The following TEF variants were observed in gnomAD, a reference collection of about 807,000 sequenced individuals.
TEF encodes TEF transcription factor, PAR bZIP family member.
TEF carries 3 observed loss-of-function variants against 20.8 expected under a neutral mutation model. The observed-to-expected ratio is 0.14, with a 90% CI of 0.07 to 0.37. The LOEUF is 0.37. TEF is among the 10% of genes least tolerant of loss of function. The pLI, the probability that TEF is intolerant of heterozygous loss-of-function variation, is 1.00. For synonymous variants in TEF, 180 were observed against 171.1 expected, an observed-to-expected ratio of 1.05 and a Z score of -0.41; for missense variants, 296 against 397.9, an observed-to-expected ratio of 0.74 and a Z score of 2.18.
chr22:41,386,923 A>G (rs1271912904), intron 1 of TEF, among the ~76,000 whole-genome samples: 1 of 152,022 alleles, frequency 6.6e-6, no homozygotes, highest in Non-Finnish European at 1.5e-5. Context: ...GCGTACCTGT[A>G]ATCCCAGCTA....
At chr22:41,388,050 T>C (rs1044050350) in intron 2 of TEF, among the ~76,000 whole-genome samples, 47 of 126,612 alleles carry the variant, frequency 3.7e-4, no homozygotes, top group Non-Finnish European at 2.7e-4. Context: ...CAGGCTGGAG[T>C]GCAGTGGAGC....
At chr22:41,381,921 GGGGCGCCATT>G (rs1463513611), upstream of TEF, 10 of 1,226,318 alleles carry the variant, frequency 8.2e-6, no homozygotes, top group Middle Eastern at 2.2e-3. Flanking sequence ...GAAGGAGGCG[GGGGCGCCATT>G]GGGCGCCTGC....
Position 41,382,023 on chromosome 22 carries a change from C to G in TEF, c.-22C>G. 2.4e-6 allele frequency: 3 copies of G among 1,229,278 alleles called. No homozygotes were observed. The highest frequency in any genetic ancestry group is 1.6e-5 in the African/African-American group (1 of 64,132). The allele number at this position is 1,229,278 out of a possible 1,614,324, so 76.1% of individuals were successfully genotyped here. ...GGGGGCGGGCGGGGGAGGCGAGGTG[C>G]GCGAGCCGAGTCCGGGGCACGATGT... On this transcript the variant is annotated 5_prime_UTR_variant, in exon 1 of 4. Coordinates refer to ENST00000266304, the MANE Select transcript of TEF (RefSeq NM_003216.4).
intron 1 of TEF, among the ~76,000 whole-genome samples, chr22:41,370,726 A>C (rs2036874481): frequency 6.6e-6 from 1 of 152,094 alleles, no homozygotes; most frequent in African/African-American, 2.4e-5. Flanking sequence ...TCCGTTTTCT[A>C]GTTCATTGAT....
chr22:41,382,745 C>T (rs1372232451), intron 1 of TEF, among the ~76,000 whole-genome samples: 1 of 150,714 alleles, frequency 6.6e-6, no homozygotes, highest in Non-Finnish European at 1.5e-5. Context: ...CTAGGTCCAA[C>T]GGGAGCCTTT....
intron 2 of TEF, among the ~76,000 whole-genome samples, chr22:41,387,956 C>T (rs1017484108): frequency 6.8e-6 from 1 of 146,718 alleles, no homozygotes; most frequent in African/African-American, 2.5e-5. Context: ...GGATAGAAAT[C>T]CCATTCTGCA....
rs2037224850 is a variant in TEF at position 41,396,092 on chromosome 22, G to A, written c.*132G>A. 1.1e-5 allele frequency: 11 copies of A among 985,898 alleles called. No homozygotes were observed. Among genetic ancestry groups the A allele is most frequent in the African/African-American group, 8.2e-5 (5 of 61,020 alleles). 61.1% of individuals were successfully genotyped at this position (985,898 alleles called of 1,614,324 possible). Reference sequence around the variant, plus strand: ...ATGGCGGCGCACCTGCTGCAGGAGCGGCCACGTCTCAGCTTCATTATACCA... The same window carrying A: ...ATGGCGGCGCACCTGCTGCAGGAGCAGCCACGTCTCAGCTTCATTATACCA... On this transcript the variant is annotated 3_prime_UTR_variant, in exon 4 of 4. Coordinates refer to ENST00000266304, the MANE Select transcript of TEF (RefSeq NM_003216.4).
chr22:41,380,512 A>C (rs553780240), upstream of TEF, among the ~76,000 whole-genome samples: 138 of 152,212 alleles, frequency 9.1e-4, no homozygotes, highest in Non-Finnish European at 1.6e-3. Context: ...GGGTGTCTGG[A>C]TCATGCATCT....
At position 41,397,015 on chromosome 22, in the gene TEF, G is replaced by GC. The variant is rs2037237516; in HGVS notation, c.*1056dup. 1 of 398,770 alleles carries GC rather than the reference G, an allele frequency of 2.5e-6. No individual in the cohort carries two copies. The highest frequency in any genetic ancestry group is 2.1e-5 in the African/African-American group (1 of 48,594). 24.7% of individuals were successfully genotyped at this position (398,770 alleles called of 1,614,324 possible). A position where few individuals can be genotyped will look rare whatever the true frequency, so the allele number is the denominator to read the frequency against. ...TGCTCTGCTCACCGGTGTGGCCTGGGCTGGAGTGCACTCTCCCTGGGGGCA... is the reference window on the plus strand; with the variant it reads ...TGCTCTGCTCACCGGTGTGGCCTGGGCCTGGAGTGCACTCTCCCTGGGGGCA... On this transcript the variant is annotated 3_prime_UTR_variant, in exon 4 of 4. Transcript: ENST00000266304.
rs1569251352 is a variant in TEF at position 41,373,924 on chromosome 22, C to T, written c.67+6325C>T. ...GACTACAGGCGCATGCTACCACACC[C>T]GGCTAATTTTTGTATTTTTAGTACA... On this transcript the variant is annotated intron_variant, in intron 1 of 3. Transcript: ENST00000406644. Among the ~76,000 whole-genome samples, 3 of 151,844 alleles carry T rather than the reference C, an allele frequency of 2.0e-5. No homozygotes were observed. The South Asian group carries it at 6.2e-4, about 32-fold the overall frequency.
At chr22:41,376,312 C>T (rs1027091583) in intron 1 of TEF, among the ~76,000 whole-genome samples, 2 of 152,230 alleles carry the variant, frequency 1.3e-5, no homozygotes, top group Non-Finnish European at 2.9e-5. Flanking sequence ...TCTCGGCTCA[C>T]CGCAACTTCC....
chr22:41,380,629 C>T (rs2037005363), upstream of TEF, among the ~76,000 whole-genome samples: 1 of 152,212 alleles, frequency 6.6e-6, no homozygotes, highest in Non-Finnish European at 1.5e-5. Flanking sequence ...TCTCTGCCTT[C>T]CGGGAGTTAA....
upstream of TEF, among the ~76,000 whole-genome samples, chr22:41,377,958 C>T (rs2036964338): frequency 1.3e-5 from 2 of 152,272 alleles, no homozygotes; most frequent in Admixed American, 6.5e-5. Context: ...TAAATCTTTA[C>T]TTCCTCTTAC....
intron 2 of TEF, among the ~76,000 whole-genome samples, chr22:41,391,717 G>T (rs1446365965): frequency 6.6e-6 from 1 of 151,928 alleles, no homozygotes; most frequent in Non-Finnish European, 1.5e-5. Flanking sequence ...CTGCCTACTG[G>T]GTTTAAGCAA....
upstream of TEF, among the ~76,000 whole-genome samples, chr22:41,380,688 T>A (rs2037006257): frequency 6.6e-6 from 1 of 152,202 alleles, no homozygotes; most frequent in South Asian, 2.1e-4. Context: ...TGATCTGTAC[T>A]ATAAAGAGGT....
In TEF at chr22:41,397,470, C is replaced by G. The variant is rs541816291; in HGVS notation, c.*1510C>G. On this transcript the variant is annotated 3_prime_UTR_variant, in exon 4 of 4. Transcript: ENST00000266304. ...GAGGCGATGGGCGTGCTTCGTCCTCCGTAACACTGGCTTTATTTACCGTGG... is the reference window on the plus strand; with the variant it reads ...GAGGCGATGGGCGTGCTTCGTCCTCGGTAACACTGGCTTTATTTACCGTGG... The G allele has an allele frequency of 5.4e-6, 1 of 185,082 alleles. No individual in the cohort carries two copies. Among genetic ancestry groups the G allele is most frequent in the African/African-American group, 2.3e-5 (1 of 42,870 alleles). 11.5% of individuals were successfully genotyped at this position (185,082 alleles called of 1,614,324 possible).
In TEF at chr22:41,387,983, C is replaced by CTTTTTTTTTTTTTT. The variant is rs530707936; in HGVS notation, c.475+334_475+347dup. 1.4e-4 allele frequency among the ~76,000 whole-genome samples: 7 copies of CTTTTTTTTTTTTTT among 50,078 alleles called. 1 individual carries two copies. The highest frequency in any genetic ancestry group is 1.7e-4 in the Non-Finnish European group (5 of 28,964). The allele number at this position is 50,078 out of a possible 152,430, so 32.9% of individuals were successfully genotyped here. On this transcript the variant is annotated intron_variant, in intron 2 of 3. Coordinates refer to ENST00000266304, the MANE Select transcript of TEF (RefSeq NM_003216.4). ...CATTCTGCATTTCCTCAATGCTGCT[C>CTTTTTTTTTTTTTT]TTTTTTTTTTTTTTTTTTTTTTTTT...
chr22:41,367,702 A>T lies in TEF; in HGVS notation c.67+103A>T. 2.4e-6 allele frequency: 3 copies of T among 1,228,250 alleles called. No homozygotes were observed. The Admixed American group carries it at 6.4e-5, about 26-fold the overall frequency. The allele number at this position is 1,228,250 out of a possible 1,614,324, so 76.1% of individuals were successfully genotyped here. ...CAGGACAGGCATCTCCAAGCCAGGG[A>T]GGGTCTCAGCAGTGGTGCGCCCTTG... On this transcript the variant is annotated intron_variant, in intron 1 of 3. Coordinates refer to the TEF transcript ENST00000406644.
At chr22:41,395,672 G>A (rs1393398253) in intron 3 of TEF, 73 bp from the exon 4 acceptor site, 2 of 1,473,418 alleles carry the variant, frequency 1.4e-6, no homozygotes, top group Non-Finnish European at 1.9e-6. Flanking sequence ...GGGGAATCCA[G>A]GTGGTGGGAG....
Sources: gnomAD v4.1 joint callset for allele counts (sites outside exome capture counted in the v4.1 genomes callset) on GRCh38, gnomAD v4.1.1 for gene constraint, MANE v1.5 for transcripts, NCBI Gene and HGNC (gene_info 2026-07-23, HGNC 2026-07-21) for gene names.